Variants in BRWD3 observed in about 807,000 individuals in gnomAD.
BRWD3 encodes bromodomain and WD repeat-containing protein 3.
In BRWD3, 10 loss-of-function variants were observed where a neutral mutation model predicts 149.7. The observed-to-expected ratio is 0.07, with a 90% confidence interval of 0.04 to 0.11. BRWD3 has a LOEUF of 0.11. BRWD3 is among the 10% of genes least tolerant of loss of function. BRWD3 has a pLI of 1.00. For missense variants in BRWD3, 940 were observed against 1,373.2 expected (o/e 0.68, Z 4.99); for synonymous variants, 504 against 456.7 (o/e 1.10, Z -1.32).
rs779475345 is a variant in BRWD3 at position 80,729,966 on chromosome X, C to T, written c.1182G>A (p.Gln394=). 2.5e-6 allele frequency: 3 copies of T among 1,206,298 alleles called. No homozygotes were observed. Among genetic ancestry groups the T allele is most frequent in the Admixed American group, 2.2e-5 (1 of 45,700 alleles). Residue 394 remains glutamine, a synonymous_variant, in exon 13 of 41, where the codon CAG becomes CAA. Coordinates refer to ENST00000373275, the MANE Select transcript of BRWD3 (RefSeq NM_153252.5). ...RDGTARIWQY[Q]QQEWKSIVLD... ...GCACTATACTCTTCCATTCTTGTTG[C>T]TGATACTGCCAAATTCTTGCCGTTC...
chrX:80,675,453 C>G lies in BRWD3; in HGVS notation c.*1156G>C, dbSNP rs985140324. 6 of 111,616 alleles carry G rather than the reference C, an allele frequency of 5.4e-5. No individual in the cohort carries two copies. The highest frequency in any genetic ancestry group is 9.4e-5 in the Non-Finnish European group (5 of 53,043). 9.2% of individuals were successfully genotyped at this position (111,616 alleles called of 1,213,427 possible). ...GGAGCAGAAATATATAAGCAGTAGC[C>G]CAAGTCTACTTACACAAATATGTTC... On this transcript the variant is annotated 3_prime_UTR_variant, in exon 41 of 41. Transcript: ENST00000373275.
intron 6 of BRWD3, among the ~76,000 whole-genome samples, chrX:80,746,168 T>C (rs1413039420): frequency 9.1e-6 from 1 of 110,342 alleles, no homozygotes; most frequent in Admixed American, 9.8e-5. Flanking sequence ...ATCCACCATA[T>C]GTATGACTGC....
In BRWD3 at chrX:80,685,438, CT is replaced by C. The variant is rs757309033; in HGVS notation, c.4080+23del. On this transcript the variant is annotated intron_variant, in intron 36 of 40. Transcript: ENST00000373275. ...TAGAAAGTAAAAACAATCAATATGTCTTTTAAGAGACTACCAGGCCTACCTC... is the reference window on the plus strand; with the variant it reads ...TAGAAAGTAAAAACAATCAATATGTCTTTAAGAGACTACCAGGCCTACCTC... 2.4e-5 allele frequency: 28 copies of C among 1,162,261 alleles called. No individual in the cohort carries two copies. In the African/African-American group the frequency reaches 4.6e-4, roughly 19 times the overall value.
chrX:80,733,458 G>A lies in BRWD3; in HGVS notation c.1125C>T (p.Asp375=). ...VVAVQFCNNG[D]SLRFVSGSRD... The stretch of plus-strand genomic sequence containing the variant: ...ACAAATATGTATTACATAATTACCT[G>A]TCTCCATTGTTACAGAACTGAACAG... The change falls in exon 12 of 41, where the codon GAC becomes GAT. Residue 375 remains aspartate (D), a splice_region_variant and synonymous_variant. Coordinates refer to ENST00000373275, the MANE Select transcript of BRWD3 (RefSeq NM_153252.5). 8.4e-7 allele frequency: 1 copy of A among 1,194,431 alleles called. No homozygotes were observed. The highest frequency in any genetic ancestry group is 1.1e-6 in the Non-Finnish European group (1 of 881,278).
intron 39 of BRWD3, 88 bp downstream of exon 39, chrX:80,681,909 T>C (rs2072452921): frequency 3.8e-6 from 3 of 798,582 alleles, no homozygotes; most frequent in Non-Finnish European, 5.7e-6. Flanking sequence ...CATTGTTCTT[T>C]GCACTATAAA....
At chrX:80,809,403 C>A in intron 1 of BRWD3, 38 bp downstream of exon 1, 8 of 1,093,299 alleles carry the variant, frequency 7.3e-6, no homozygotes, top group Non-Finnish European at 9.9e-6. Flanking sequence ...AGCCCCCATT[C>A]CCTTAGCACC....
chrX:80,679,985 T>A (rs762297452), intron 40 of BRWD3, among the ~76,000 whole-genome samples: 1 of 112,079 alleles, frequency 8.9e-6, no homozygotes, highest in East Asian at 2.8e-4. Context: ...ACAAAGGCAC[T>A]AATTATTTTC....
At chrX:80,794,323 C>T (rs1398293727) in intron 4 of BRWD3, among the ~76,000 whole-genome samples, 1 of 110,014 alleles carries the variant, frequency 9.1e-6, no homozygotes, top group Admixed American at 9.8e-5. Flanking sequence ...CTGGGCCACA[C>T]AACAAAACCC....
intron 6 of BRWD3, among the ~76,000 whole-genome samples, chrX:80,781,810 G>A (rs1389649730): frequency 9.1e-6 from 1 of 110,306 alleles, no homozygotes; most frequent in African/African-American, 3.3e-5. Context: ...CCAAAGAAGA[G>A]AAAGATCTCT....
chrX:80,713,683 T>C (rs1294142710), intron 20 of BRWD3, among the ~76,000 whole-genome samples: 1 of 109,398 alleles, frequency 9.1e-6, no homozygotes, highest in East Asian at 2.8e-4. Flanking sequence ...CCAAGAATGA[T>C]CAATAAAAAA....
At chrX:80,700,740 A>AAAATAAAT (rs761838716) in intron 24 of BRWD3, among the ~76,000 whole-genome samples, 9 of 108,131 alleles carry the variant, frequency 8.3e-5, no homozygotes, top group Admixed American at 4.0e-4. Context: ...TCCCTGTCAA[A>AAAATAAAT]AAATAAATAA....
At chrX:80,726,180 A>G (rs2073237411) in intron 14 of BRWD3, among the ~76,000 whole-genome samples, 1 of 107,421 alleles carries the variant, frequency 9.3e-6, no homozygotes, top group Admixed American at 9.9e-5. Flanking sequence ...ATATGTCTGT[A>G]TAACATATAA....
chrX:80,772,163 G>A (rs2073951457), intron 6 of BRWD3, among the ~76,000 whole-genome samples: 1 of 111,669 alleles, frequency 9.0e-6, no homozygotes, highest in African/African-American at 3.3e-5. Flanking sequence ...AAAGACACAC[G>A]CACACGTATG....
intron 30 of BRWD3, 144 bp from the exon 31 acceptor site, chrX:80,691,317 C>T (rs1362611504): frequency 1.3e-5 from 8 of 632,793 alleles, no homozygotes; most frequent in South Asian, 3.3e-5. Context: ...ACAAACAGAA[C>T]GTTATTCTTT....
At chrX:80,791,404 A>G (rs1324506371) in intron 6 of BRWD3, among the ~76,000 whole-genome samples, 1 of 111,591 alleles carries the variant, frequency 9.0e-6, no homozygotes, top group East Asian at 2.8e-4. Flanking sequence ...CCCAAGAATA[A>G]TTTGAATGAG....
chrX:80,741,501 G>A (rs1013239157), intron 8 of BRWD3, among the ~76,000 whole-genome samples: 3 of 111,743 alleles, frequency 2.7e-5, no homozygotes, highest in African/African-American at 9.8e-5. Flanking sequence ...TTCCACAATG[G>A]TTGAACTAGT....
chrX:80,793,160 C>CAAAAAAA, intron 5 of BRWD3, among the ~76,000 whole-genome samples: 1 of 44,462 alleles, frequency 2.2e-5, no homozygotes, highest in Non-Finnish European at 4.1e-5. Context: ...GACTCTGTCT[C>CAAAAAAA]AAAAAAAAAA....
intron 6 of BRWD3, among the ~76,000 whole-genome samples, chrX:80,751,262 C>T (rs1474495238): frequency 8.9e-6 from 1 of 111,833 alleles, no homozygotes; most frequent in Non-Finnish European, 1.9e-5. Context: ...AATGTTCTCA[C>T]CACAAGAAAA....
intron 4 of BRWD3, 65 bp downstream of exon 4, chrX:80,808,474 G>T: frequency 1.1e-6 from 1 of 946,374 alleles, no homozygotes; most frequent in Admixed American, 2.3e-5. Context: ...GGGCGGGTTG[G>T]GGGTACAAGG....
Sources: allele counts gnomAD v4.1 joint callset (sites outside exome capture counted in the v4.1 genomes callset), GRCh38; gene constraint gnomAD v4.1.1; transcripts MANE v1.5; gene names NCBI Gene and HGNC (gene_info 2026-07-23, HGNC 2026-07-21).